Variants in ABCA13 observed in about 807,000 individuals in gnomAD.
ABCA13 encodes the protein ATP-binding cassette sub-family A member 13.
Under a neutral mutation model 478.7 loss-of-function variants are expected in ABCA13, and 476 were observed. The observed-to-expected ratio is 0.99, with a 90% CI of 0.92 to 1.07. The LOEUF (loss-of-function observed/expected upper bound fraction) is 1.07. Ranked by LOEUF, ABCA13 falls within the 50% of genes least tolerant of loss-of-function variation. The probability of loss-of-function intolerance (pLI) is 0.00; values close to 1 mark genes in which losing one functional copy is unlikely to be tolerated. For missense variants in ABCA13, 6,060 were observed against 5,910.6 expected (o/e 1.03, Z -0.83); for synonymous variants, 2,252 against 2,158.9 (o/e 1.04, Z -1.20).
At chr7:48,570,229 AT>A (rs1402203121) in intron 55 of ABCA13, among the ~76,000 whole-genome samples, 2 of 139,866 alleles carry the variant, frequency 1.4e-5, no homozygotes, top group Non-Finnish European at 3.1e-5. Context: ...TAGTAACAAT[AT>A]TTTCTTCAAG....
At chr7:48,340,602 T>C (rs1182432764) in intron 29 of ABCA13, among the ~76,000 whole-genome samples, 1 of 152,184 alleles carries the variant, frequency 6.6e-6, no homozygotes, top group Non-Finnish European at 1.5e-5. Flanking sequence ...TAAGAATATG[T>C]ATTTTCACAA....
In ABCA13 at chr7:48,487,109, G is replaced by A. The variant is rs190517783; in HGVS notation, c.13183-2127G>A. Among the ~76,000 whole-genome samples the A allele has an allele frequency of 4.2e-3, 641 of 152,046 alleles. 1 individual carries two copies. Among genetic ancestry groups the A allele is most frequent in the African/African-American group, 0.015 (606 of 41,462 alleles). On this transcript the variant is annotated intron_variant, in intron 47 of 61. Coordinates refer to ENST00000435803, the MANE Select transcript of ABCA13 (RefSeq NM_152701.5). ...GCGGATCACCTGAGGTCAGGAGTTC[G>A]AGACCAGCCTGACCAACATGGAGAT...
At chr7:48,562,786 G>T (rs1054055411) in intron 55 of ABCA13, among the ~76,000 whole-genome samples, 2 of 152,078 alleles carry the variant, frequency 1.3e-5, no homozygotes, top group African/African-American at 4.8e-5. Context: ...GCATAAAGTT[G>T]TGATTTTGAT....
chr7:48,580,057 A>G (rs1788563274), intron 55 of ABCA13, among the ~76,000 whole-genome samples, 167 bp from the exon 56 acceptor site: 1 of 152,116 alleles, frequency 6.6e-6, no homozygotes, highest in Non-Finnish European at 1.5e-5. Context: ...TTTTGGGGTG[A>G]CTTCTTGTAT....
At chr7:48,464,296 C>A (rs735069) in intron 43 of ABCA13, among the ~76,000 whole-genome samples, 28,587 of 152,046 alleles carry the variant, frequency 0.19, 3,113 homozygotes, top group African/African-American at 0.3. Flanking sequence ...TTGTTAGAAA[C>A]CTGAAGGCTG....
intron 55 of ABCA13, among the ~76,000 whole-genome samples, chr7:48,570,319 CTT>C (rs35693419): frequency 6.8e-5 from 6 of 88,206 alleles, no homozygotes; most frequent in African/African-American, 1.5e-4. Flanking sequence ...TTTGCATCCT[CTT>C]TTTTTTTTTT....
intron 8 of ABCA13, 129 bp from the exon 9 acceptor site, chr7:48,239,112 C>T: frequency 1.1e-6 from 1 of 925,712 alleles, no homozygotes; most frequent in South Asian, 1.7e-5. Flanking sequence ...ACATAGATAT[C>T]ATCACTTACT....
At chr7:48,440,493 G>A (rs777889993) in intron 42 of ABCA13, among the ~76,000 whole-genome samples, 12 of 151,966 alleles carry the variant, frequency 7.9e-5, no homozygotes, top group Non-Finnish European at 1.6e-4. Flanking sequence ...TACCGTTTAT[G>A]TCAAAATTTA....
intron 1 of ABCA13, among the ~76,000 whole-genome samples, chr7:48,180,954 C>T (rs1275276093): frequency 6.6e-6 from 1 of 152,076 alleles, no homozygotes. Flanking sequence ...ACAAAACCTA[C>T]CAACAACAAA....
chr7:48,315,428 C>A (rs542177362), intron 26 of ABCA13, among the ~76,000 whole-genome samples: 1 of 152,002 alleles, frequency 6.6e-6, no homozygotes, highest in South Asian at 2.1e-4. Flanking sequence ...CATTAAATTT[C>A]AGTAAGAACA....
intron 41 of ABCA13, among the ~76,000 whole-genome samples, chr7:48,422,055 C>CAAAAAAAAAAAAAAAAAAAAAAAAAAA (rs4022355): frequency 1.2e-5 from 1 of 80,578 alleles, no homozygotes; most frequent in Non-Finnish European, 2.4e-5. Flanking sequence ...GTCTTTCTTA[C>CAAAAAAAAAAAAAAAAAAAAAAAAAAA]AAAAAAAAAA....
At chr7:48,172,797 C>CAAAAAAAAAAAAAAAA (rs36196847) in intron 1 of ABCA13, among the ~76,000 whole-genome samples, 1 of 75,512 alleles carries the variant, frequency 1.3e-5, no homozygotes, top group African/African-American at 5.4e-5. Context: ...GACTCCGTCT[C>CAAAAAAAAAAAAAAAA]AAAAAAAAAA....
At chr7:48,413,989 T>C (rs1819613100) in intron 41 of ABCA13, among the ~76,000 whole-genome samples, 1 of 152,190 alleles carries the variant, frequency 6.6e-6, no homozygotes, top group Non-Finnish European at 1.5e-5. Flanking sequence ...AGCCCATACC[T>C]TTGTGGTTGA....
chr7:48,455,354 A>C, intron 43 of ABCA13, 68 bp downstream of exon 43: 3 of 1,499,282 alleles, frequency 2.0e-6, no homozygotes, highest in South Asian at 1.3e-5. Flanking sequence ...AATAGCTTCG[A>C]TACTTTTGAG....
At chr7:48,192,396 T>A (rs1307853216) in intron 1 of ABCA13, among the ~76,000 whole-genome samples, 1 of 152,156 alleles carries the variant, frequency 6.6e-6, no homozygotes, top group Admixed American at 6.5e-5. Context: ...ATAATTCAAA[T>A]GAAAGATTAT....
intron 55 of ABCA13, among the ~76,000 whole-genome samples, chr7:48,531,802 T>C (rs993000727): frequency 6.6e-6 from 1 of 150,454 alleles, no homozygotes; most frequent in Admixed American, 6.7e-5. Context: ...CTCCGTTTGG[T>C]TGCTTTTGGT....
chr7:48,496,286 A>G (rs990098348), intron 48 of ABCA13, among the ~76,000 whole-genome samples: 5 of 152,060 alleles, frequency 3.3e-5, no homozygotes, highest in African/African-American at 1.2e-4. Context: ...GTGTTATAAT[A>G]CATATATATG....
rs1796685239 is a variant in ABCA13, at chr7:48,279,142, G to A, written c.7948G>A (p.Glu2650Lys). 1 of 1,607,124 alleles carries A rather than the reference G, an allele frequency of 6.2e-7. No homozygotes were observed. The highest frequency in any genetic ancestry group is 8.5e-7 in the Non-Finnish European group (1 of 1,177,068). ...TTTAACATCTGTGAAAATGAACTTG[G>A]AAGATATGAGGAGTCTTGCGGTAGC... ...EFLTSVKMNL[E>K]DMRSLAVAFN... The change falls in exon 18 of 62, where the codon GAA (glutamate) becomes AAA (lysine). Residue 2650 changes from glutamate to lysine, a missense_variant. By Grantham distance (56) the Glu-to-Lys change is moderately conservative. Around this residue, in one of 3 missense-constraint regions of ABCA13, gnomAD observed 4,423 missense variants for 4,309.1 expected, o/e 1.03. Coordinates refer to ENST00000435803, the MANE Select transcript of ABCA13 (RefSeq NM_152701.5).
intron 24 of ABCA13, 116 bp downstream of exon 24, chr7:48,310,257 G>T (rs1018896485): frequency 3.5e-6 from 4 of 1,134,626 alleles, no homozygotes; most frequent in African/African-American, 3.1e-5. Context: ...TGGCCACTCT[G>T]CAGTGGTCTC....
Sources: allele counts gnomAD v4.1 joint callset (sites outside exome capture counted in the v4.1 genomes callset), GRCh38; gene constraint gnomAD v4.1.1; regional missense constraint gnomAD v4.1.1; transcripts MANE v1.5; gene names NCBI Gene and HGNC (gene_info 2026-07-23, HGNC 2026-07-21).